Variants in TTC39B observed in about 807,000 individuals in gnomAD.
TTC39B encodes tetratricopeptide repeat protein 39B.
A neutral mutation model predicts 96.6 loss-of-function variants in TTC39B; 92 were observed. The observed-to-expected ratio is 0.95, with a 90% confidence interval of 0.80 to 1.13. The LOEUF (loss-of-function observed/expected upper bound fraction) is 1.13. Among genes scored for constraint, TTC39B ranks in the 50% most tolerant of loss-of-function variants. The pLI is 0.00. For synonymous variants in TTC39B, 367 were observed against 299.4 expected, an observed-to-expected ratio of 1.23 and a Z score of -2.33; for missense variants, 955 against 809.3, an observed-to-expected ratio of 1.18 and a Z score of -2.18.
In TTC39B at chr9:15,228,024, T is replaced by G. The variant is rs149089330; in HGVS notation, c.276-2012A>C. ...ATGGTACAAGATAGTGCTGTGTAAT[T>G]TTTTCCCTAATCTTTTGCCATGTTT... On this transcript the variant is annotated intron_variant, in intron 2 of 19. Coordinates refer to ENST00000512701, the Ensembl canonical transcript of TTC39B. 2.4e-3 allele frequency among the ~76,000 whole-genome samples: 366 copies of G among 152,290 alleles called. 3 individuals carry two copies. The highest frequency in any genetic ancestry group is 8.0e-3 in the African/African-American group (332 of 41,552).
intron 2 of TTC39B, among the ~76,000 whole-genome samples, chr9:15,264,353 A>C (rs2131542890): frequency 6.6e-6 from 1 of 152,236 alleles, no homozygotes; most frequent in East Asian, 1.9e-4. Flanking sequence ...CACAGGAGGA[A>C]AAAAAATGGG....
intron 1 of TTC39B, among the ~76,000 whole-genome samples, chr9:15,273,402 C>T (rs1021379443): frequency 2.0e-5 from 3 of 152,108 alleles, no homozygotes; most frequent in South Asian, 2.1e-4. Flanking sequence ...CAAAAAATAA[C>T]GCCAGGTACT....
chr9:15,205,819 C>G (rs1819814612), intron 6 of TTC39B, among the ~76,000 whole-genome samples: 1 of 152,036 alleles, frequency 6.6e-6, no homozygotes, highest in Admixed American at 6.5e-5. Flanking sequence ...GTGGTGATGG[C>G]AGCGGTGGGG....
At chr9:15,187,380 C>T (rs1258378388) in intron 14 of TTC39B, among the ~76,000 whole-genome samples, 2 of 152,154 alleles carry the variant, frequency 1.3e-5, no homozygotes, top group South Asian at 4.1e-4. Context: ...GGAAAGTCTA[C>T]ACAAAATTAT....
chr9:15,212,119 G>C (rs964699073), intron 4 of TTC39B, among the ~76,000 whole-genome samples: 1 of 152,098 alleles, frequency 6.6e-6, no homozygotes, highest in Non-Finnish European at 1.5e-5. Context: ...TATTTATAAG[G>C]TTTAAAATGG....
At position 15,265,208 on chromosome 9, in the gene TTC39B, A is replaced by G. The variant is rs531638525; in HGVS notation, c.275+2706T>C. Among the ~76,000 whole-genome samples, 4 of 82,904 alleles carry G rather than the reference A, an allele frequency of 4.8e-5. No individual in the cohort carries two copies. In the South Asian group the frequency reaches 9.0e-4, roughly 19 times the overall value. The allele number at this position is 82,904 out of a possible 152,430, so 54.4% of individuals were successfully genotyped here. A position where few individuals can be genotyped will look rare whatever the true frequency, so the allele number is the denominator to read the frequency against. On this transcript the variant is annotated intron_variant, in intron 2 of 19. Coordinates refer to ENST00000512701, the Ensembl canonical transcript of TTC39B. Reference sequence around the variant, plus strand: ...ATTTTTTTAAAAACTAATAGATGTTAAAAAAACTGCTTGCAATGCCTTCCT... The same window carrying G: ...ATTTTTTTAAAAACTAATAGATGTTGAAAAAACTGCTTGCAATGCCTTCCT...
chr9:15,292,717 A>G lies in TTC39B; in HGVS notation c.240+14367T>C, dbSNP rs146083531. On this transcript the variant is annotated intron_variant, in intron 1 of 19. Coordinates refer to ENST00000512701, the Ensembl canonical transcript of TTC39B. ...TGTGTGTTTATGTCTTAGTTCTTAA[A>G]AAAAGTTTACAAGTAAGAGTAAAAA... Among the ~76,000 whole-genome samples, 174 of 152,326 alleles carry G rather than the reference A, an allele frequency of 1.1e-3. 1 individual carries two copies. The highest frequency in any genetic ancestry group is 3.8e-3 in the African/African-American group (159 of 41,584).
chr9:15,197,040 T>A (rs1267766127), intron 8 of TTC39B, among the ~76,000 whole-genome samples: 1 of 152,192 alleles, frequency 6.6e-6, no homozygotes, highest in African/African-American at 2.4e-5. Context: ...AAAAAAGTGT[T>A]TATCAATTAA....
At chr9:15,177,952 C>T (rs1470907511) in intron 17 of TTC39B, 138 bp from the exon 18 acceptor site, 14 of 484,058 alleles carry the variant, frequency 2.9e-5, no homozygotes, top group Non-Finnish European at 4.3e-5. Context: ...TCACTGCAAG[C>T]TCCGTCTCCC....
chr9:15,204,334 G>C (rs1819720369), intron 6 of TTC39B, among the ~76,000 whole-genome samples: 4 of 152,080 alleles, frequency 2.6e-5, no homozygotes, highest in African/African-American at 9.7e-5. Context: ...ATCGAGACCA[G>C]CCTGACCAAC....
chr9:15,299,944 T>A (rs1462702266), intron 1 of TTC39B, among the ~76,000 whole-genome samples: 1 of 151,198 alleles, frequency 6.6e-6, no homozygotes, highest in African/African-American at 2.5e-5. Flanking sequence ...AAAGTTTCAC[T>A]AGAAAAACAG....
chr9:15,251,193 C>T (rs1310523338), intron 2 of TTC39B, among the ~76,000 whole-genome samples: 1 of 151,802 alleles, frequency 6.6e-6, no homozygotes, highest in Non-Finnish European at 1.5e-5. Context: ...GAGACTCCAT[C>T]TCAAAAAAAC....
intron 1 of TTC39B, among the ~76,000 whole-genome samples, chr9:15,270,069 C>A (rs1368400252): frequency 1.3e-5 from 2 of 151,882 alleles, no homozygotes; most frequent in South Asian, 2.1e-4. Flanking sequence ...CTTGAGGAGG[C>A]TGAGGCACAA....
intron 19 of TTC39B, among the ~76,000 whole-genome samples, chr9:15,173,129 A>G (rs1232665969): frequency 6.6e-6 from 1 of 152,148 alleles, no homozygotes; most frequent in Non-Finnish European, 1.5e-5. Flanking sequence ...TTTATCTTAT[A>G]AAGTTGCCTT....
rs1274679642 is a variant in TTC39B at position 15,268,048 on chromosome 9, T to G, written c.241-100A>C. 3.4e-5 allele frequency: 36 copies of G among 1,055,932 alleles called. No homozygotes were observed. In the Admixed American group the frequency reaches 7.1e-4, roughly 21 times the overall value. 65.4% of individuals were successfully genotyped at this position (1,055,932 alleles called of 1,614,324 possible). A position where few individuals can be genotyped will look rare whatever the true frequency, so the allele number is the denominator to read the frequency against. ...TGAATACACGCATTGGGGAGAGTGG[T>G]CCTGGCAGGAAGGTATAGCAGGCAG... On this transcript the variant is annotated intron_variant, in intron 1 of 19. Coordinates refer to ENST00000512701, the Ensembl canonical transcript of TTC39B.
At chr9:15,217,735 C>T (rs1397422212) in intron 3 of TTC39B, among the ~76,000 whole-genome samples, 1 of 152,152 alleles carries the variant, frequency 6.6e-6, no homozygotes, top group East Asian at 1.9e-4. Context: ...AACTCCAGCA[C>T]ACATCAGACA....
intron 1 of TTC39B, among the ~76,000 whole-genome samples, chr9:15,287,905 C>T (rs556248081): frequency 3.3e-4 from 47 of 141,762 alleles, no homozygotes; most frequent in African/African-American, 1.2e-3. Flanking sequence ...GATATGGCGC[C>T]ACTGCACTCC....
At chr9:15,239,687 A>G (rs1378859975) in intron 2 of TTC39B, among the ~76,000 whole-genome samples, 2 of 152,232 alleles carry the variant, frequency 1.3e-5, no homozygotes, top group Non-Finnish European at 2.9e-5. Context: ...ATGGGTTCTC[A>G]CTTCTGAAAG....
intron 3 of TTC39B, among the ~76,000 whole-genome samples, chr9:15,218,635 A>AAAAAAAAAAAATATATATATATAT (rs374054306): frequency 6.7e-6 from 1 of 149,448 alleles, no homozygotes; most frequent in African/African-American, 2.5e-5. Flanking sequence ...GTCTATTTTA[A>AAAAAAAAAAAATATATATATATAT]ATATATATAT....
Sources: allele counts gnomAD v4.1 joint callset (sites outside exome capture counted in the v4.1 genomes callset), GRCh38; gene constraint gnomAD v4.1.1; transcripts MANE v1.5; gene names NCBI Gene and HGNC (gene_info 2026-07-23, HGNC 2026-07-21).